KIF6: variants seen among roughly 807,000 people sequenced by gnomAD.
KIF6 encodes the protein kinesin family member 6.
KIF6 carries 106 observed loss-of-function variants against 112.7 expected under a neutral mutation model. The observed-to-expected ratio is 0.94, with a 90% confidence interval of 0.80 to 1.11. KIF6 has a LOEUF of 1.11. Among genes scored for constraint, KIF6 ranks in the 50% least tolerant of loss-of-function variants. The probability of loss-of-function intolerance (pLI) is 0.00; values close to 1 mark genes in which losing one functional copy is unlikely to be tolerated. For synonymous variants in KIF6, 339 were observed against 339.9 expected, an observed-to-expected ratio of 1.00 and a Z score of 0.03; for missense variants, 929 against 964.0, an observed-to-expected ratio of 0.96 and a Z score of 0.48.
chr6:39,588,795 T>C (rs1051718778), intron 7 of KIF6, among the ~76,000 whole-genome samples: 2 of 152,176 alleles, frequency 1.3e-5, no homozygotes, highest in Non-Finnish European at 2.9e-5. Context: ...GCAATTTCTA[T>C]TAGGTTTACC....
chr6:39,371,466 CG>C (rs1339545377), intron 16 of KIF6, among the ~76,000 whole-genome samples: 8 of 152,124 alleles, frequency 5.3e-5, no homozygotes, highest in Admixed American at 5.2e-4. Flanking sequence ...GACTTCTCTG[CG>C]GGGGTCACAA....
At chr6:39,420,781 T>C (rs1232664163) in intron 14 of KIF6, among the ~76,000 whole-genome samples, 2 of 152,226 alleles carry the variant, frequency 1.3e-5, no homozygotes, top group African/African-American at 4.8e-5. Flanking sequence ...AATACAGATA[T>C]GATTTTGTGC....
At chr6:39,552,550 C>G (rs1779446392) in intron 10 of KIF6, among the ~76,000 whole-genome samples, 1 of 152,192 alleles carries the variant, frequency 6.6e-6, no homozygotes, top group Non-Finnish European at 1.5e-5. Flanking sequence ...AATCCCCACT[C>G]TTTGCATTCA....
chr6:39,555,953 C>CAAAAAAAA (rs35420944), intron 10 of KIF6, among the ~76,000 whole-genome samples: 1 of 77,690 alleles, frequency 1.3e-5, no homozygotes, highest in African/African-American at 4.8e-5. Flanking sequence ...GACGCTGTCT[C>CAAAAAAAA]AAAAAAAAAA....
chr6:39,655,293 T>C (rs1785715620), intron 3 of KIF6, among the ~76,000 whole-genome samples: 1 of 152,208 alleles, frequency 6.6e-6, no homozygotes, highest in Non-Finnish European at 1.5e-5. Flanking sequence ...TAATGTCCTT[T>C]GACTACTTTT....
rs75234253 is a variant in KIF6, at chr6:39,360,049, A to G, written c.2082+346T>C. On this transcript the variant is annotated intron_variant, in intron 18 of 22. Transcript: ENST00000287152. Reference sequence around the variant, plus strand: ...CTGCCTAGTAAAATTTCTATAATTCATATTCACATATATATGACTATGATA... The same window carrying G: ...CTGCCTAGTAAAATTTCTATAATTCGTATTCACATATATATGACTATGATA... Among the ~76,000 whole-genome samples, 757 of 152,336 alleles carry G rather than the reference A, an allele frequency of 5.0e-3. 9 individuals are homozygous for G. The highest frequency in any genetic ancestry group is 0.017 in the African/African-American group (701 of 41,574).
At chr6:39,432,570 T>C (rs1378052406) in intron 13 of KIF6, among the ~76,000 whole-genome samples, 1 of 152,134 alleles carries the variant, frequency 6.6e-6, no homozygotes, top group Non-Finnish European at 1.5e-5. Flanking sequence ...ACCCCACCCT[T>C]TTCTGATCAG....
intron 3 of KIF6, among the ~76,000 whole-genome samples, chr6:39,704,437 G>A (rs915699183): frequency 1.3e-5 from 2 of 152,126 alleles, no homozygotes; most frequent in South Asian, 2.1e-4. Flanking sequence ...TGGCCAACAT[G>A]GTAAAACCCT....
intron 10 of KIF6, among the ~76,000 whole-genome samples, chr6:39,551,313 A>G (rs997978843): frequency 6.6e-6 from 1 of 152,218 alleles, no homozygotes; most frequent in African/African-American, 2.4e-5. Context: ...GGAGATAAAG[A>G]ATAGAATAAC....
At chr6:39,439,606 A>G (rs1168661548) in intron 13 of KIF6, among the ~76,000 whole-genome samples, 1 of 152,220 alleles carries the variant, frequency 6.6e-6, no homozygotes, top group Non-Finnish European at 1.5e-5. Flanking sequence ...GGTAGTCAAC[A>G]AGGGGCTTTC....
intron 15 of KIF6, among the ~76,000 whole-genome samples, chr6:39,415,992 T>C (rs1007530547): frequency 2.0e-5 from 3 of 152,350 alleles, no homozygotes; most frequent in African/African-American, 7.2e-5. Context: ...TTTGAATTGA[T>C]TGCTGAGTGC....
rs1344173300 is a variant in KIF6, at chr6:39,333,299, T to C, written c.*3233A>G. ...CTGTGCCAGTCTGCTATTGCTACAA[T>C]TAATGCTATATAACAAACCACTCTA... On this transcript the variant is annotated 3_prime_UTR_variant, in exon 23 of 23. Transcript: ENST00000287152. 6.6e-6 allele frequency: 1 copy of C among 152,242 alleles called. No homozygotes were observed. The highest frequency in any genetic ancestry group is 1.5e-5 in the Non-Finnish European group (1 of 68,046). The allele number at this position is 152,242 out of a possible 1,614,324, so 9.4% of individuals were successfully genotyped here.
chr6:39,589,617 T>C (rs372487816), intron 7 of KIF6, among the ~76,000 whole-genome samples: 6 of 152,160 alleles, frequency 3.9e-5, no homozygotes, highest in African/African-American at 1.2e-4. Context: ...GACAGCCCTA[T>C]GTGGGGTTTG....
chr6:39,350,496 C>T (rs1194612718), intron 19 of KIF6, among the ~76,000 whole-genome samples: 1 of 152,116 alleles, frequency 6.6e-6, no homozygotes, highest in Admixed American at 6.5e-5. Context: ...ATAGTAGGCA[C>T]AGTGCTCATG....
chr6:39,587,697 C>A (rs1222422425), intron 7 of KIF6, among the ~76,000 whole-genome samples: 1 of 152,182 alleles, frequency 6.6e-6, no homozygotes, highest in African/African-American at 2.4e-5. Flanking sequence ...ATGTCTCCAT[C>A]ATTAAATCCC....
At chr6:39,489,330 C>T (rs1441622949) in intron 13 of KIF6, among the ~76,000 whole-genome samples, 2 of 152,028 alleles carry the variant, frequency 1.3e-5, no homozygotes, top group African/African-American at 4.8e-5. Context: ...TCAATGAACA[C>T]ATCTGTTCAT....
At chr6:39,503,909 C>G (rs1421030825) in intron 13 of KIF6, among the ~76,000 whole-genome samples, 1 of 150,038 alleles carries the variant, frequency 6.7e-6, no homozygotes, top group Non-Finnish European at 1.5e-5. Flanking sequence ...AGATTCATAA[C>G]TGAATTCTCC....
intron 3 of KIF6, among the ~76,000 whole-genome samples, chr6:39,696,397 A>C (rs1788541003): frequency 6.6e-6 from 1 of 152,110 alleles, no homozygotes; most frequent in African/African-American, 2.4e-5. Flanking sequence ...ATTGAGCTGG[A>C]GTTCAAGCGG....
chr6:39,376,784 T>C (rs998827275), intron 16 of KIF6, among the ~76,000 whole-genome samples: 5 of 152,172 alleles, frequency 3.3e-5, no homozygotes, highest in African/African-American at 9.7e-5. Context: ...CTATCTGACT[T>C]TGGAAATGTT....
Sources: gnomAD v4.1 joint callset for allele counts (sites outside exome capture counted in the v4.1 genomes callset) on GRCh38, gnomAD v4.1.1 for gene constraint, MANE v1.5 for transcripts, NCBI Gene and HGNC (gene_info 2026-07-23, HGNC 2026-07-21) for gene names.